NLK: variants seen among roughly 807,000 people sequenced by gnomAD.
NLK encodes serine/threonine-protein kinase NLK.
NLK carries 11 observed loss-of-function variants against 59.0 expected under a neutral mutation model. The observed-to-expected ratio is 0.19, with a 90% CI of 0.12 to 0.31. The LOEUF (loss-of-function observed/expected upper bound fraction) is 0.31, where lower values mean the gene tolerates loss of function less well. Ranked by LOEUF, NLK falls within the 10% of genes least tolerant of loss-of-function variation. NLK has a pLI of 1.00. For missense variants in NLK, 410 were observed against 661.1 expected (o/e 0.62, Z 4.16); for synonymous variants, 235 against 235.9 (o/e 1.00, Z 0.03).
At chr17:28,056,456 A>G (rs1909448134) in intron 1 of NLK, among the ~76,000 whole-genome samples, 1 of 152,240 alleles carries the variant, frequency 6.6e-6, no homozygotes, top group South Asian at 2.1e-4. Flanking sequence ...GTCCAACTAA[A>G]TGCCTATTGA....
chr17:28,188,943 G>T (rs1909215717), intron 8 of NLK, among the ~76,000 whole-genome samples: 1 of 151,600 alleles, frequency 6.6e-6, no homozygotes, highest in Admixed American at 6.6e-5. Context: ...CTAAGAGCAG[G>T]TGTCTGTGGT....
chr17:28,091,379 A>G (rs1484551488), intron 1 of NLK, among the ~76,000 whole-genome samples: 3 of 152,048 alleles, frequency 2.0e-5, no homozygotes, highest in Non-Finnish European at 1.5e-5. Context: ...AATAAAATGT[A>G]TCTGAAGCAG....
At chr17:28,103,030 C>T (rs1312092516) in intron 1 of NLK, among the ~76,000 whole-genome samples, 1 of 152,162 alleles carries the variant, frequency 6.6e-6, no homozygotes, top group Non-Finnish European at 1.5e-5. Flanking sequence ...AACCTTTTAA[C>T]AACCTTTTGG....
chr17:28,188,747 C>T (rs1031216260), intron 8 of NLK, among the ~76,000 whole-genome samples: 1 of 152,174 alleles, frequency 6.6e-6, no homozygotes, highest in Non-Finnish European at 1.5e-5. Flanking sequence ...GGATTACAGG[C>T]GTGAGCCACT....
At chr17:28,080,081 T>G (rs1303944294) in intron 1 of NLK, among the ~76,000 whole-genome samples, 1 of 152,132 alleles carries the variant, frequency 6.6e-6, no homozygotes, top group East Asian at 1.9e-4. Context: ...GTCAGCGACT[T>G]CAGATCTACA....
intron 1 of NLK, among the ~76,000 whole-genome samples, chr17:28,114,631 C>A (rs1294507948): frequency 2.0e-5 from 3 of 152,126 alleles, no homozygotes; most frequent in Non-Finnish European, 4.4e-5. Flanking sequence ...CTTTCCCTGC[C>A]TTAATATCAT....
intron 6 of NLK, chr17:28,171,187 A>G (rs1908449533): frequency 6.6e-6 from 1 of 152,234 alleles, no homozygotes; most frequent in South Asian, 2.1e-4. Flanking sequence ...AAAGCTTTGT[A>G]TAGAGATCTT....
chr17:28,162,665 ATT>A (rs1908059716), intron 4 of NLK, among the ~76,000 whole-genome samples: 1 of 152,054 alleles, frequency 6.6e-6, no homozygotes, highest in South Asian at 2.1e-4. Context: ...CACCTCTAAG[ATT>A]TGTTCATATT....
chr17:28,077,177 A>C (rs2142762387), intron 1 of NLK, among the ~76,000 whole-genome samples: 1 of 135,040 alleles, frequency 7.4e-6, no homozygotes, highest in African/African-American at 2.8e-5. Flanking sequence ...TGCCACCTGT[A>C]TTAGTCCGTT....
chr17:28,153,994 A>G (rs577431074), intron 3 of NLK, among the ~76,000 whole-genome samples: 1 of 152,158 alleles, frequency 6.6e-6, no homozygotes, highest in Non-Finnish European at 1.5e-5. Flanking sequence ...ATGGTCACAC[A>G]TATGTGTGGC....
At chr17:28,167,537 G>C (rs1448392173) in intron 5 of NLK, among the ~76,000 whole-genome samples, 1 of 151,952 alleles carries the variant, frequency 6.6e-6, no homozygotes, top group Non-Finnish European at 1.5e-5. Flanking sequence ...CCAACAGTTG[G>C]TCTCTAAATC....
chr17:28,104,055 C>G (rs1256664610), intron 1 of NLK, among the ~76,000 whole-genome samples: 1 of 152,086 alleles, frequency 6.6e-6, no homozygotes, highest in African/African-American at 2.4e-5. Flanking sequence ...TCTTTAAGAA[C>G]AGAGTAGGGA....
At position 28,189,264 on chromosome 17, in the gene NLK, G is replaced by A. The variant is rs75044187; in HGVS notation, c.1237-1757G>A. On this transcript the variant is annotated intron_variant, in intron 8 of 10. Transcript: ENST00000407008. Reference sequence around the variant, plus strand: ...TGCAGGCCAGATGCACCAATGACAGGTTCCCCACAATGTCCCACATGCTGC... The same window carrying A: ...TGCAGGCCAGATGCACCAATGACAGATTCCCCACAATGTCCCACATGCTGC... Among the ~76,000 whole-genome samples the A allele has an allele frequency of 5.2e-3, 793 of 152,216 alleles. 13 individuals carry two copies. Among genetic ancestry groups the A allele is most frequent in the African/African-American group, 0.018 (732 of 41,524 alleles).
At position 28,142,898 on chromosome 17, in the gene NLK, T is replaced by C. The variant is rs528914306; in HGVS notation, c.644+10223T>C. Among the ~76,000 whole-genome samples, 111 of 152,342 alleles carry C rather than the reference T, an allele frequency of 7.3e-4. No individual in the cohort carries two copies. In the Middle Eastern group the frequency reaches 0.017, roughly 23 times the overall value. Reference sequence around the variant, plus strand: ...AAGCATGTTTTAACTGTCATTCATATACTTGTCATAAGAGAATCTGTGGCT... The same window carrying C: ...AAGCATGTTTTAACTGTCATTCATACACTTGTCATAAGAGAATCTGTGGCT... On this transcript the variant is annotated intron_variant, in intron 3 of 10. Transcript: ENST00000407008.
chr17:28,090,833 A>G (rs1399126002), intron 1 of NLK, among the ~76,000 whole-genome samples: 1 of 152,160 alleles, frequency 6.6e-6, no homozygotes, highest in Non-Finnish European at 1.5e-5. Context: ...AATATGCTAT[A>G]ATCCTTATCT....
rs143092196 is a variant in NLK, at chr17:28,104,366, C to T, written c.459-18237C>T. 8.7e-3 allele frequency among the ~76,000 whole-genome samples: 1,330 copies of T among 152,220 alleles called. 21 individuals are homozygous for T. Among genetic ancestry groups the T allele is most frequent in the African/African-American group, 0.03 (1,252 of 41,526 alleles). On this transcript the variant is annotated intron_variant, in intron 1 of 10. Transcript: ENST00000407008. ...GCCTCCCGGGTTCAAGCGAATTCTC[C>T]TTCCTTAGCCTCCTGAGTAGCTGGG...
At chr17:28,052,887 TG>T (rs1909307859) in intron 1 of NLK, among the ~76,000 whole-genome samples, 2 of 148,812 alleles carry the variant, frequency 1.3e-5, no homozygotes, top group South Asian at 2.1e-4. Flanking sequence ...TGATCTCTGG[TG>T]TTTTTTTTTT....
chr17:28,149,161 A>T (rs1367234924), intron 3 of NLK, among the ~76,000 whole-genome samples: 1 of 152,174 alleles, frequency 6.6e-6, no homozygotes, highest in African/African-American at 2.4e-5. Flanking sequence ...CCTGGGCTTA[A>T]ACTTAAAATC....
rs371673419 is a variant in NLK, at chr17:28,110,810, TAAAC to T, written c.459-11790_459-11787del. 6.6e-3 allele frequency among the ~76,000 whole-genome samples: 999 copies of T among 152,276 alleles called. 16 individuals carry two copies. The highest frequency in any genetic ancestry group is 0.022 in the African/African-American group (931 of 41,570). On this transcript the variant is annotated intron_variant, in intron 1 of 10. Transcript: ENST00000407008. ...GTCACCATATTTTTCTTTAATTTGT[TAAAC>T]AAGTCTCCTTTAATTCTTTTTTTTG...
Sources: gnomAD v4.1 joint callset for allele counts (sites outside exome capture counted in the v4.1 genomes callset) on GRCh38, gnomAD v4.1.1 for gene constraint, MANE v1.5 for transcripts, NCBI Gene and HGNC (gene_info 2026-07-23, HGNC 2026-07-21) for gene names.